Variants in DMPK observed in about 807,000 individuals in gnomAD.
The protein encoded by DMPK is DM1 protein kinase.
DMPK carries 32 observed loss-of-function variants against 70.3 expected under a neutral mutation model. The ratio of observed to expected loss-of-function variants is 0.46; its 90% CI spans 0.34 to 0.61. The LOEUF (loss-of-function observed/expected upper bound fraction) is 0.61, where lower values mean the gene tolerates loss of function less well. Ranked by LOEUF, DMPK falls within the 20% of genes least tolerant of loss-of-function variation. The probability of loss-of-function intolerance (pLI) is 0.01; values close to 1 mark genes in which losing one functional copy is unlikely to be tolerated. For synonymous variants in DMPK, 469 were observed against 390.9 expected, an observed-to-expected ratio of 1.20 and a Z score of -2.36; for missense variants, 899 against 886.0, an observed-to-expected ratio of 1.01 and a Z score of -0.19.
At chr19:45,780,482 G>C (rs1285332663) in intron 1 of DMPK, 1 of 1,191,590 alleles carries the variant, frequency 8.4e-7, no homozygotes, top group Non-Finnish European at 1.1e-6. Context: ...CAGGAGGAGT[G>C]CTTTAGTCCT....
Position 45,771,342 on chromosome 19 carries a change from G to A in DMPK, c.1647+8C>T, listed in dbSNP as rs1224488973. On this transcript the variant is annotated splice_region_variant and intron_variant, in intron 13 of 14. Transcript: ENST00000291270. ...AGGTCTGAGGCAGGGGAAAGAGAGG[G>A]GTCTTACATGGGAAGGTGGATCCGT... is the stretch of plus-strand genomic sequence containing the variant. 3.1e-6 allele frequency: 5 copies of A among 1,589,792 alleles called. No individual in the cohort carries two copies. The South Asian group carries it at 5.7e-5, about 18-fold the overall frequency.
chr19:45,780,571 G>C (rs1970058493), intron 1 of DMPK: 1 of 1,027,852 alleles, frequency 9.7e-7, no homozygotes, highest in Non-Finnish European at 1.2e-6. Context: ...GGGCAGCCTG[G>C]GTGGGGGACC....
At position 45,771,614 on chromosome 19, in the gene DMPK, C is replaced by T. The variant is rs1333628902; in HGVS notation, c.1554G>A (p.Arg518=). ...ARNRDLEAHV[R]QLQERMELLQ... is the part of the protein sequence containing the mutation. ...GCAACTCCATCCGCTCCTGCAACTG[C>T]CGGACGTGTGCCTCTAGGTCCCGGT... The change falls in exon 12 of 15, where the codon CGG becomes CGA. Residue 518 remains arginine (R), a synonymous_variant. Coordinates refer to ENST00000291270, the MANE Select transcript of DMPK (RefSeq NM_004409.5). The T allele has an allele frequency of 3.1e-6, 5 of 1,614,044 alleles. No individual in the cohort carries two copies. In the East Asian group the frequency reaches 1.1e-4, roughly 36 times the overall value.
At chr19:45,770,842 G>C (rs1021110007) in intron 14 of DMPK, 129 bp downstream of exon 14, 11 of 975,892 alleles carry the variant, frequency 1.1e-5, no homozygotes, top group Non-Finnish European at 1.6e-5. Flanking sequence ...GGCCTGTGTT[G>C]ATTGGCTGCC....
chr19:45,772,440 G>A (rs1286141581), intron 10 of DMPK: 1 of 463,810 alleles, frequency 2.2e-6, no homozygotes, highest in Non-Finnish European at 3.8e-6. Flanking sequence ...CAGATCCCCA[G>A]CAACACACAC....
At position 45,769,897 on chromosome 19, in the gene DMPK, C is replaced by T. The variant is rs1408931762; in HGVS notation, c.*591G>A. ...ACGAGGTCAATAAATATCCAAACCG[C>T]CGAAGCGGGCGGAGCCGGCTGGGGC... On this transcript the variant is annotated 3_prime_UTR_variant, in exon 15 of 15. Coordinates refer to ENST00000291270, the MANE Select transcript of DMPK (RefSeq NM_004409.5). The T allele has an allele frequency of 3.6e-6, 1 of 278,484 alleles. No individual in the cohort carries two copies. Among genetic ancestry groups the T allele is most frequent in the Non-Finnish European group, 7.0e-6 (1 of 142,274 alleles). The allele number at this position is 278,484 out of a possible 1,614,324, so 17.3% of individuals were successfully genotyped here.
rs1235630943 is a variant in DMPK at position 45,771,927 on chromosome 19, G to A, written c.1346C>T (p.Ala449Val). Residue 449 changes from alanine to valine, a missense_variant and splice_region_variant, in exon 11 of 15, where the codon GCT becomes GTT. Transcript: ENST00000291270. ...GACAGCCGCTGGAACTGCCACTTCAGCCTGTGTATGGGGACCAGGCTTAAG... is the reference window on the plus strand; with the variant it reads ...GACAGCCGCTGGAACTGCCACTTCAACCTGTGTATGGGGACCAGGCTTAAG... The part of the protein sequence containing the change: ...EPSVSPQDET[A>V]EVAVPAAVPA... The A allele has an allele frequency of 1.3e-6, 2 of 1,593,294 alleles. No individual in the cohort carries two copies. Among genetic ancestry groups the A allele is most frequent in the East Asian group, 2.3e-5 (1 of 43,854 alleles).
chr19:45,777,888 G>A lies in DMPK; in HGVS notation c.676-15C>T, dbSNP rs1969869035. ...AGCGACCGCACCTGGACCAAAAGGA[G>A]CAGAGCGAGGCTTGGGCCCACCCCT... On this transcript the variant is annotated splice_polypyrimidine_tract_variant and intron_variant, in intron 6 of 14. Coordinates refer to ENST00000291270, the MANE Select transcript of DMPK (RefSeq NM_004409.5). This position sits in a 1 kb window ranked among gnomAD's most constrained non-coding sequence, Gnocchi z 6.7. 1.3e-6 allele frequency: 2 copies of A among 1,596,154 alleles called. No individual in the cohort carries two copies. The highest frequency in any genetic ancestry group is 1.7e-6 in the Non-Finnish European group (2 of 1,173,794).
intron 8 of DMPK, 90 bp from the exon 9 acceptor site, chr19:45,775,124 G>A (rs1039464771): frequency 3.0e-6 from 3 of 1,015,254 alleles, no homozygotes; most frequent in African/African-American, 3.2e-5. Context: ...CCCCAAACCA[G>A]CCCCAACTCA....
intron 1 of DMPK, chr19:45,780,743 GT>G: frequency 2.2e-6 from 1 of 449,936 alleles, no homozygotes; most frequent in Non-Finnish European, 2.9e-6. Flanking sequence ...GTTCCGGGGG[GT>G]TCCGGGAGAG....
rs1430102222 is a variant in DMPK, at chr19:45,771,467, C to T, written c.1601-71G>A. 5 of 1,609,724 alleles carry T rather than the reference C, an allele frequency of 3.1e-6. No homozygotes were observed. In the African/African-American group the frequency reaches 4.0e-5, roughly 13 times the overall value. On this transcript the variant is annotated intron_variant, in intron 12 of 14. Transcript: ENST00000291270. ...AGGGCGGTGGCGCGGCGTGCCCCAG[C>T]GTGGGTCCCTTCCCTCCTCCAGGTG...
Position 45,782,290 on chromosome 19 carries a change from C to G in DMPK, c.63G>C (p.Gly21=), listed in dbSNP as rs1185777927. The G allele has an allele frequency of 6.3e-7, 1 of 1,597,412 alleles. No homozygotes were observed. The change falls in exon 1 of 15, where the codon GGG becomes GGC. Residue 21 remains glycine, a synonymous_variant. Coordinates refer to ENST00000291270, the MANE Select transcript of DMPK (RefSeq NM_004409.5). ...QQLVLDPGFL[G]LEPLLDLLLG... ...GGAGAAGGTCGAGCAGGGGCTCCAG[C>G]CCCAGGAAGCCCGGGTCCAACACCA...
intron 5 of DMPK, 114 bp downstream of exon 5, chr19:45,778,379 G>T (rs946458574): frequency 3.3e-5 from 47 of 1,431,138 alleles, no homozygotes; most frequent in Non-Finnish European, 4.2e-5. Context: ...GGCACCCCCC[G>T]GTGGGCCCCA....
intron 2 of DMPK, 26 bp from the exon 3 acceptor site, chr19:45,779,548 T>G (rs753267971): frequency 9.9e-6 from 16 of 1,612,802 alleles, no homozygotes; most frequent in Non-Finnish European, 1.4e-5. Flanking sequence ...TGAGACAGAG[T>G]GGAGACGGCG....
rs1418351008 is a variant in DMPK at position 45,770,559 on chromosome 19, T to C, written c.1819A>G (p.Ile607Val). The change falls in exon 15 of 15, where the codon ATT becomes GTT. Residue 607 changes from isoleucine (I) to valine (V), a missense_variant. Physicochemically the swap from Ile to Val is conservative, Grantham distance 29 (BLOSUM62 3). Transcript: ENST00000291270. ...TGGCCGGCGTGGGCCACCAACCCAA[T>C]GCAGCCCAGGGCGGCGGCACGAGAC... ...VLSRAAALGC[I>V]GLVAHAGQLT... 4 of 1,551,122 alleles carry C rather than the reference T, an allele frequency of 2.6e-6. No individual in the cohort carries two copies. The South Asian group carries it at 3.6e-5, about 14-fold the overall frequency.
In DMPK at chr19:45,770,224, A is replaced by AGCGGCAGCG. The variant is rs1969282566; in HGVS notation, c.*263_*264insCGCTGCCGC. 2 of 151,226 alleles carry AGCGGCAGCG rather than the reference A, an allele frequency of 1.3e-5. No homozygotes were observed. Among genetic ancestry groups the AGCGGCAGCG allele is most frequent in the South Asian group, 1.9e-4 (1 of 5,328 alleles). 9.4% of individuals were successfully genotyped at this position (151,226 alleles called of 1,614,324 possible). On this transcript the variant is annotated 3_prime_UTR_variant, in exon 15 of 15. Transcript: ENST00000291270. ...TCCCCCCAGCAGCAGCAGCAGCAGC[A>AGCGGCAGCG]GCAGCAGCAGCAGCAGCAGCAGCAG...
chr19:45,770,726 C>A (rs943393034), intron 14 of DMPK, 86 bp from the exon 15 acceptor site: 54 of 1,417,948 alleles, frequency 3.8e-5, no homozygotes, highest in Non-Finnish European at 4.4e-5. Flanking sequence ...TAGGTGGGCC[C>A]GCACTCTTCC....
chr19:45,770,648 G>A lies in DMPK; in HGVS notation c.1738-8C>T, dbSNP rs567215046. ...TAGGCCAGGCCTAGGGACCTGCGGG[G>A]AGAGGGCGAGGTCAACACCCGGCAT... On this transcript the variant is annotated splice_polypyrimidine_tract_variant and splice_region_variant and intron_variant, in intron 14 of 14. Coordinates refer to ENST00000291270, the MANE Select transcript of DMPK (RefSeq NM_004409.5). The A allele has an allele frequency of 1.3e-5, 20 of 1,550,442 alleles. No individual in the cohort carries two copies. In the African/African-American group the frequency reaches 1.5e-4, roughly 12 times the overall value.
In DMPK at chr19:45,782,279, A is replaced by T; in HGVS notation, c.74T>A (p.Leu25Gln). The change falls in exon 1 of 15, where the codon CTG (leucine) becomes CAG (glutamine). Residue 25 changes from leucine to glutamine, a missense_variant. By Grantham distance (113) the Leu-to-Gln change is moderately radical. This residue lies in a region of DMPK where 149 missense variants were observed against 142.5 expected (regional missense o/e 1.05). Coordinates refer to ENST00000291270, the MANE Select transcript of DMPK (RefSeq NM_004409.5). ...GTGGACGCCCAGGAGAAGGTCGAGC[A>T]GGGGCTCCAGCCCCAGGAAGCCCGG... ...LDPGFLGLEP[L>Q]LDLLLGVHQE... 6.2e-7 allele frequency: 1 copy of T among 1,603,554 alleles called. No homozygotes were observed. The highest frequency in any genetic ancestry group is 8.5e-7 in the Non-Finnish European group (1 of 1,176,110).
Sources: allele counts gnomAD v4.1 joint callset, GRCh38; gene constraint gnomAD v4.1.1; regional missense constraint gnomAD v4.1.1; non-coding constraint Gnocchi (gnomAD v3.1); transcripts MANE v1.5; gene names NCBI Gene and HGNC (gene_info 2026-07-23, HGNC 2026-07-21).